The following CCDC175 variants were observed in gnomAD, a reference collection of about 807,000 sequenced individuals.
The protein encoded by CCDC175 is coiled-coil domain-containing protein 175.
In CCDC175, 100 loss-of-function variants were observed where a neutral mutation model predicts 114.6. The ratio of observed to expected loss-of-function variants is 0.87; its 90% CI spans 0.74 to 1.03. The LOEUF is 1.03. Ranked by LOEUF, CCDC175 falls within the 50% of genes least tolerant of loss-of-function variation. CCDC175 has a pLI of 0.00. For synonymous variants in CCDC175, 306 were observed against 308.7 expected (o/e 0.99, Z 0.09); for missense variants, 880 against 917.8 (o/e 0.96, Z 0.53).
chr14:59,515,148 C>A (rs529573241), intron 17 of CCDC175, among the ~76,000 whole-genome samples: 28 of 152,284 alleles, frequency 1.8e-4, no homozygotes, highest in Non-Finnish European at 3.4e-4. Flanking sequence ...GCCTGCCCTA[C>A]AAGAGCTCCT....
intron 17 of CCDC175, among the ~76,000 whole-genome samples, chr14:59,518,983 C>T (rs1051304055): frequency 1.8e-4 from 28 of 152,160 alleles, no homozygotes; most frequent in African/African-American, 6.5e-4. Context: ...GAATACTATG[C>T]AGCCATAAAA....
At chr14:59,514,686 C>G (rs1454467378) in intron 17 of CCDC175, among the ~76,000 whole-genome samples, 2 of 152,176 alleles carry the variant, frequency 1.3e-5, no homozygotes, top group Non-Finnish European at 2.9e-5. Context: ...AAATCTACGT[C>G]TGATTGGTGT....
At chr14:59,561,011 G>T in intron 7 of CCDC175, 108 bp downstream of exon 7, 2 of 537,762 alleles carry the variant, frequency 3.7e-6, no homozygotes, top group Non-Finnish European at 6.3e-6. Context: ...TAATTTTCAT[G>T]TCAAATTAAA....
In CCDC175 at chr14:59,505,738, C is replaced by G. The variant is rs184415446; in HGVS notation, c.2306-423G>C. 1.6e-4 allele frequency among the ~76,000 whole-genome samples: 25 copies of G among 152,132 alleles called. No individual in the cohort carries two copies. The East Asian group carries it at 4.2e-3, about 26-fold the overall frequency. Reference sequence around the variant, plus strand: ...GGTCATAAGAAATTTAAAAATCAACCCTTGTCTTTGTTAAGTTTTGACTTA... The same window carrying G: ...GGTCATAAGAAATTTAAAAATCAACGCTTGTCTTTGTTAAGTTTTGACTTA... On this transcript the variant is annotated intron_variant, in intron 19 of 19. Transcript: ENST00000537690.
chr14:59,567,854 A>G lies in CCDC175; in HGVS notation c.491+391T>C, dbSNP rs1896645006. 2.0e-5 allele frequency among the ~76,000 whole-genome samples: 3 copies of G among 152,366 alleles called. No individual in the cohort carries two copies. The South Asian group carries it at 6.2e-4, about 32-fold the overall frequency. On this transcript the variant is annotated intron_variant, in intron 4 of 19. Coordinates refer to ENST00000537690, the MANE Select transcript of CCDC175 (RefSeq NM_001164399.2). ...TGGTTTGACATTAGATTTACAATAT[A>G]ATCCCTGCAAGATTTCTTACTTTGG...
intron 15 of CCDC175, 23 bp downstream of exon 15, chr14:59,527,072 G>T (rs1893785951): frequency 4.9e-6 from 6 of 1,233,988 alleles, no homozygotes; most frequent in African/African-American, 1.6e-5. Context: ...ATAAAAAAAA[G>T]AATTAATGCA....
chr14:59,548,827 T>A (rs1895271472), intron 8 of CCDC175, among the ~76,000 whole-genome samples: 2 of 152,146 alleles, frequency 1.3e-5, no homozygotes, highest in Admixed American at 6.5e-5. Context: ...GGAAAGCATT[T>A]AATTGGTACA....
At position 59,574,966 on chromosome 14, in the gene CCDC175, T is replaced by C; in HGVS notation, c.220A>G (p.Ile74Val). The C allele has an allele frequency of 6.6e-7, 1 of 1,509,622 alleles. No homozygotes were observed. Among genetic ancestry groups the C allele is most frequent in the Non-Finnish European group, 8.9e-7 (1 of 1,125,864 alleles). 93.5% of individuals were successfully genotyped at this position (1,509,622 alleles called of 1,614,324 possible). Residue 74 changes from isoleucine (I) to valine (V), a missense_variant, in exon 2 of 20, where the codon ATT becomes GTT. Transcript: ENST00000537690. ...ACCAATTTCTTAACAGCTACAGCAA[T>C]GTCCTTAAGAAAGATCTTAGCTTCT... ...NEEAKIFLKDIAVAVKKLEEM... is the reference protein window; with the variant it reads ...NEEAKIFLKDVAVAVKKLEEM...
chr14:59,572,410 G>A (rs1169807811), intron 3 of CCDC175, among the ~76,000 whole-genome samples: 1 of 152,072 alleles, frequency 6.6e-6, no homozygotes, highest in Non-Finnish European at 1.5e-5. Context: ...GTAGAATGAT[G>A]GTTTAGGCCA....
chr14:59,529,502 G>A (rs947620018), intron 14 of CCDC175, among the ~76,000 whole-genome samples: 1 of 152,130 alleles, frequency 6.6e-6, no homozygotes, highest in Non-Finnish European at 1.5e-5. Context: ...AGTTTCAGGG[G>A]ATGCCACTGC....
chr14:59,566,750 A>G lies in CCDC175; in HGVS notation c.492-1475T>C, dbSNP rs1896571426. On this transcript the variant is annotated intron_variant, in intron 4 of 19. Transcript: ENST00000537690. ...CTAGTTTTTGAAATTTGCCCAGGAC[A>G]GGAGACATACCCACCACCTGTCAGA... Among the ~76,000 whole-genome samples the G allele has an allele frequency of 2.6e-5, 4 of 152,362 alleles. No homozygotes were observed. In the South Asian group the frequency reaches 8.3e-4, roughly 32 times the overall value.
At position 59,538,831 on chromosome 14, in the gene CCDC175, A is replaced by C. The variant is rs1436677301; in HGVS notation, c.1365T>G (p.Thr455=). ...LERESQRCVI[T]QWKMACLRKK... ...TTCTCAAGCAAGCCATTTTCCACTG[A>C]GTTATAACACTAGAGATTAGAGCAA... The change falls in exon 12 of 20, where the codon ACT becomes ACG. Residue 455 remains threonine (T), a synonymous_variant. Transcript: ENST00000537690. 7.2e-6 allele frequency: 11 copies of C among 1,535,632 alleles called. No individual in the cohort carries two copies. Among genetic ancestry groups the C allele is most frequent in the South Asian group, 3.6e-5 (3 of 83,472 alleles).
At chr14:59,506,743 T>TA (rs1388159752) in intron 19 of CCDC175, among the ~76,000 whole-genome samples, 1 of 152,218 alleles carries the variant, frequency 6.6e-6, no homozygotes, top group Middle Eastern at 3.2e-3. Context: ...GCTTTAATTA[T>TA]AAGGAGGTGT....
chr14:59,518,927 A>C (rs1893265388), intron 17 of CCDC175, among the ~76,000 whole-genome samples: 1 of 152,258 alleles, frequency 6.6e-6, no homozygotes, highest in Non-Finnish European at 1.5e-5. Flanking sequence ...CCAAATGTCC[A>C]ACAACAATAG....
rs140076678 is a variant in CCDC175, at chr14:59,512,805, GGTGTGTGTGTGTGTGT to G, written c.2099-1018_2099-1003del. On this transcript the variant is annotated intron_variant, in intron 17 of 19. Transcript: ENST00000537690. ...CAAACCCAATTAAGATCTCAGCAGG[GGTGTGTGTGTGTGTGT>G]GTGTGTGTGTGTGTGTGTGTGTGTG... Among the ~76,000 whole-genome samples the G allele has an allele frequency of 8.7e-3, 1,252 of 144,452 alleles. 10 individuals are homozygous for G. The highest frequency in any genetic ancestry group is 0.031 in the African/African-American group (1,210 of 39,548). The allele number at this position is 144,452 out of a possible 152,430, so 94.8% of individuals were successfully genotyped here. A position where few individuals can be genotyped will look rare whatever the true frequency, so the allele number is the denominator to read the frequency against.
intron 1 of CCDC175, 64 bp downstream of exon 1, chr14:59,576,555 C>G: frequency 7.4e-7 from 1 of 1,347,472 alleles, no homozygotes; most frequent in Non-Finnish European, 9.5e-7. Context: ...AGGGTTCCCG[C>G]TGAGTGCCTC....
chr14:59,557,786 T>G (rs549702254), intron 7 of CCDC175, among the ~76,000 whole-genome samples: 1 of 152,236 alleles, frequency 6.6e-6, no homozygotes, highest in Non-Finnish European at 1.5e-5. Context: ...ATTTATTTAT[T>G]TATTCTTTCA....
At chr14:59,525,196 C>T in intron 16 of CCDC175, 86 bp downstream of exon 16, 4 of 1,040,164 alleles carry the variant, frequency 3.8e-6, no homozygotes, top group Non-Finnish European at 3.9e-6. Context: ...TTTTCAAGAG[C>T]TATTCTCTTC....
rs563733222 is a variant in CCDC175 at position 59,568,456 on chromosome 14, A to G, written c.356-76T>C. On this transcript the variant is annotated intron_variant, in intron 3 of 19. Coordinates refer to ENST00000537690, the MANE Select transcript of CCDC175 (RefSeq NM_001164399.2). ...GTAGATACTGACTTTCACGCAAAAA[A>G]GCTTTCTTTGAAATATTCTTTTAAT... 17 of 1,174,268 alleles carry G rather than the reference A, an allele frequency of 1.4e-5. No homozygotes were observed. In the African/African-American group the frequency reaches 2.7e-4, roughly 19 times the overall value. The allele number at this position is 1,174,268 out of a possible 1,614,324, so 72.7% of individuals were successfully genotyped here. A position where few individuals can be genotyped will look rare whatever the true frequency, so the allele number is the denominator to read the frequency against.
Sources: allele counts gnomAD v4.1 joint callset (sites outside exome capture counted in the v4.1 genomes callset), GRCh38; gene constraint gnomAD v4.1.1; transcripts MANE v1.5; gene names NCBI Gene and HGNC (gene_info 2026-07-23, HGNC 2026-07-21).